CNTN4: variants seen among roughly 807,000 people sequenced by gnomAD.
CNTN4 encodes the protein contactin 4, also known as contactin-4.
In CNTN4, 77 loss-of-function variants were observed where a neutral mutation model predicts 122.5. That is an observed-to-expected ratio of 0.63 (90% CI 0.52 to 0.76). CNTN4 has a LOEUF of 0.76. Ranked by LOEUF, CNTN4 falls within the 30% of genes least tolerant of loss-of-function variation. CNTN4 has a pLI of 0.00. For missense variants in CNTN4, 1,256 were observed against 1,259.1 expected (o/e 1.00, Z 0.04); for synonymous variants, 512 against 447.0 (o/e 1.15, Z -1.83).
At chr3:2,670,336 C>T (rs1169631143) in intron 4 of CNTN4, among the ~76,000 whole-genome samples, 1 of 152,266 alleles carries the variant, frequency 6.6e-6, no homozygotes, top group East Asian at 1.9e-4. Flanking sequence ...GATCCCTTTA[C>T]CATTATGTAA....
At chr3:2,668,464 G>A (rs2084302406) in intron 4 of CNTN4, among the ~76,000 whole-genome samples, 1 of 152,232 alleles carries the variant, frequency 6.6e-6, no homozygotes, top group African/African-American at 2.4e-5. Context: ...CTTTACTGAA[G>A]TTGCTTATCA....
intron 8 of CNTN4, among the ~76,000 whole-genome samples, chr3:2,879,652 A>G (rs1332338161): frequency 1.3e-5 from 2 of 152,184 alleles, no homozygotes; most frequent in African/African-American, 2.4e-5. Flanking sequence ...GCAAATGTAC[A>G]GAGACAGAAA....
At chr3:2,559,230 C>T (rs1421701549) in intron 3 of CNTN4, among the ~76,000 whole-genome samples, 1 of 152,154 alleles carries the variant, frequency 6.6e-6, no homozygotes, top group African/African-American at 2.4e-5. Context: ...GTAATTCTGT[C>T]ATATTAGTTT....
intron 12 of CNTN4, among the ~76,000 whole-genome samples, chr3:2,904,942 A>G (rs984733418): frequency 3.3e-5 from 5 of 152,190 alleles, no homozygotes; most frequent in Non-Finnish European, 7.3e-5. Context: ...TTTGATAGAA[A>G]CAAATGACTC....
chr3:2,682,000 G>T (rs1200906282), intron 4 of CNTN4, among the ~76,000 whole-genome samples: 1 of 152,080 alleles, frequency 6.6e-6, no homozygotes, highest in African/African-American at 2.4e-5. Flanking sequence ...ATACTAGAAT[G>T]GGATATTTTT....
intron 2 of CNTN4, among the ~76,000 whole-genome samples, chr3:2,156,696 C>A (rs988274254): frequency 6.6e-6 from 1 of 152,162 alleles, no homozygotes; most frequent in Non-Finnish European, 1.5e-5. Context: ...AGTCATTTAT[C>A]ACAGACAGCG....
chr3:2,628,622 C>T (rs978441852), intron 4 of CNTN4, among the ~76,000 whole-genome samples: 6 of 152,032 alleles, frequency 3.9e-5, no homozygotes, highest in African/African-American at 7.2e-5. Flanking sequence ...TTATCCGTGT[C>T]GGTGAAATGA....
At chr3:2,246,956 G>A (rs1575165480) in intron 2 of CNTN4, among the ~76,000 whole-genome samples, 2 of 152,038 alleles carry the variant, frequency 1.3e-5, no homozygotes, top group African/African-American at 2.4e-5. Flanking sequence ...CATACACATA[G>A]AGACAAGAAA....
chr3:2,457,417 G>A (rs762883739), intron 3 of CNTN4, among the ~76,000 whole-genome samples: 2 of 152,062 alleles, frequency 1.3e-5, no homozygotes, highest in Admixed American at 1.3e-4. Context: ...ATAGCACAGA[G>A]TATGCCTGTT....
chr3:2,953,666 A>C (rs2094769596), intron 13 of CNTN4, among the ~76,000 whole-genome samples: 1 of 152,104 alleles, frequency 6.6e-6, no homozygotes, highest in African/African-American at 2.4e-5. Flanking sequence ...ATATTGAATG[A>C]TATATTCAAC....
At chr3:2,732,078 T>A (rs772104855) in intron 4 of CNTN4, among the ~76,000 whole-genome samples, 1 of 152,232 alleles carries the variant, frequency 6.6e-6, no homozygotes, top group Non-Finnish European at 1.5e-5. Flanking sequence ...GGCAGGCATG[T>A]GCTAAAATTA....
chr3:2,256,163 C>T (rs1255679543), intron 2 of CNTN4, among the ~76,000 whole-genome samples: 1 of 152,140 alleles, frequency 6.6e-6, no homozygotes, highest in African/African-American at 2.4e-5. Context: ...CTATAAACAC[C>T]TCTATGCAAA....
intron 4 of CNTN4, among the ~76,000 whole-genome samples, chr3:2,661,778 C>A (rs942083436): frequency 1.5e-5 from 2 of 131,636 alleles, no homozygotes; most frequent in African/African-American, 5.9e-5. Context: ...CATTGCACTG[C>A]AGCCTGGGCA....
intron 3 of CNTN4, among the ~76,000 whole-genome samples, chr3:2,377,749 T>C (rs532983603): frequency 1.3e-5 from 2 of 150,062 alleles, no homozygotes; most frequent in South Asian, 2.1e-4. Context: ...TTGTAAACTT[T>C]CTTAAAACAT....
intron 3 of CNTN4, among the ~76,000 whole-genome samples, chr3:2,460,223 T>C (rs1559572101): frequency 6.6e-6 from 1 of 152,162 alleles, no homozygotes; most frequent in Non-Finnish European, 1.5e-5. Flanking sequence ...TCTTTTCTGG[T>C]ATCCCTAGCT....
At position 2,960,968 on chromosome 3, in the gene CNTN4, C is replaced by T. The variant is rs373346927; in HGVS notation, c.1359-27377C>T. 2.7e-4 allele frequency among the ~76,000 whole-genome samples: 41 copies of T among 152,166 alleles called. No homozygotes were observed. In the South Asian group the frequency reaches 8.1e-3, roughly 30 times the overall value. On this transcript the variant is annotated intron_variant, in intron 13 of 24. Coordinates refer to ENST00000418658, the MANE Select transcript of CNTN4 (RefSeq NM_175607.3). The stretch of plus-strand genomic sequence containing the variant: ...CTATTGTGCCGGGCGCGGTGACTCA[C>T]GCCTGTAATCCCAGCACTTTGGGAG...
chr3:2,580,810 C>T (rs542913081), intron 4 of CNTN4, among the ~76,000 whole-genome samples: 3 of 152,260 alleles, frequency 2.0e-5, no homozygotes, highest in Admixed American at 2.0e-4. Context: ...CACTATCACC[C>T]TTAAACTCAA....
At position 2,546,195 on chromosome 3, in the gene CNTN4, C is replaced by T. The variant is rs184277679; in HGVS notation, c.-88-25221C>T. Among the ~76,000 whole-genome samples, 87 of 152,100 alleles carry T rather than the reference C, an allele frequency of 5.7e-4. 1 individual carries two copies. Among genetic ancestry groups the T allele is most frequent in the African/African-American group, 2.0e-3 (82 of 41,516 alleles). On this transcript the variant is annotated intron_variant, in intron 3 of 24. Transcript: ENST00000418658. ...TATACCCAAATGAATATAAATCATT[C>T]TGCCCTAAATACACATTCACTGCAG...
chr3:2,933,947 C>T (rs2094546820), intron 13 of CNTN4, among the ~76,000 whole-genome samples: 2 of 152,052 alleles, frequency 1.3e-5, no homozygotes, highest in Admixed American at 1.3e-4. Context: ...TGAGCGGAAG[C>T]CACGCCTGCT....
Sources: allele counts gnomAD v4.1 joint callset (sites outside exome capture counted in the v4.1 genomes callset), GRCh38; gene constraint gnomAD v4.1.1; transcripts MANE v1.5; gene names NCBI Gene and HGNC (gene_info 2026-07-23, HGNC 2026-07-21).